The following MAP2K5 variants were observed in gnomAD, a reference collection of about 807,000 sequenced individuals.
MAP2K5 encodes the protein dual specificity mitogen-activated protein kinase kinase 5.
Under a neutral mutation model 83.1 loss-of-function variants are expected in MAP2K5, and 49 were observed. That is an observed-to-expected ratio of 0.59 (90% confidence interval 0.47 to 0.75). The LOEUF (loss-of-function observed/expected upper bound fraction) is 0.75. Ranked by LOEUF, MAP2K5 falls within the 30% of genes least tolerant of loss-of-function variation. The pLI is 0.00. For missense variants in MAP2K5, 457 were observed against 557.5 expected (o/e 0.82, Z 1.82); for synonymous variants, 202 against 191.8 (o/e 1.05, Z -0.44).
At chr15:67,659,752 A>G (rs2087190167) in intron 12 of MAP2K5, among the ~76,000 whole-genome samples, 1 of 152,154 alleles carries the variant, frequency 6.6e-6, no homozygotes. Flanking sequence ...GAAAAAGAAA[A>G]AAGTATACAA....
chr15:67,760,069 C>T lies in MAP2K5; in HGVS notation c.1135-9533C>T, dbSNP rs2089919663. On this transcript the variant is annotated intron_variant, in intron 19 of 21. Transcript: ENST00000178640. The surrounding 1 kb of genome is among the most constrained non-coding windows in gnomAD (Gnocchi z 4.1). ...AATCTAATACCTTCTTTGAAAAGTC[C>T]AGTGTGTTTAAATTAATTCAGTTTG... Among the ~76,000 whole-genome samples the T allele has an allele frequency of 6.6e-6, 1 of 152,110 alleles. No homozygotes were observed. The highest frequency in any genetic ancestry group is 2.4e-5 in the African/African-American group (1 of 41,402).
intron 9 of MAP2K5, chr15:67,641,643 G>T: frequency 1.0e-6 from 1 of 988,346 alleles, no homozygotes; most frequent in Non-Finnish European, 1.2e-6. Context: ...GTGGAGAGCA[G>T]TGGAAATGCA....
At position 67,801,797 on chromosome 15, in the gene MAP2K5, C is replaced by A. The variant is rs1596997065; in HGVS notation, c.1243-4849C>A. On this transcript the variant is annotated intron_variant, in intron 21 of 21. Transcript: ENST00000178640. This position sits in a 1 kb window ranked among gnomAD's most constrained non-coding sequence, Gnocchi z 4.8. ...GAAGTCACCTTTTCATGAGGGCCTA[C>A]CACATGCAGGCATTGCACCAGGCCC... Among the ~76,000 whole-genome samples the A allele has an allele frequency of 6.6e-6, 1 of 152,312 alleles. No homozygotes were observed. Among genetic ancestry groups the A allele is most frequent in the South Asian group, 2.1e-4 (1 of 4,822 alleles).
Position 67,664,608 on chromosome 15 carries a change from CCTTA to C in MAP2K5, c.815_818del (p.Thr272IlefsTer5). On this transcript the variant is annotated frameshift_variant, in exon 13 of 22. Coordinates refer to ENST00000178640, the MANE Select transcript of MAP2K5 (RefSeq NM_145160.3). LOFTEE classifies it high-confidence loss of function. ...TTTCCTAAATTTAGGTTGTTAAAGG[CCTTA>C]CTTATTTGTGGAGTTTAAAGATTTT... 1 of 1,588,468 alleles carries C rather than the reference CCTTA, an allele frequency of 6.3e-7. No homozygotes were observed. Among genetic ancestry groups the C allele is most frequent in the Non-Finnish European group, 8.6e-7 (1 of 1,157,486 alleles).
At chr15:67,579,090 A>G (rs928501563) in intron 3 of MAP2K5, among the ~76,000 whole-genome samples, 1 of 152,262 alleles carries the variant, frequency 6.6e-6, no homozygotes, top group South Asian at 2.1e-4. Flanking sequence ...CAGTACAAAA[A>G]GGCAGTAATT....
In MAP2K5 at chr15:67,692,100, T is replaced by C. The variant is rs1313843194; in HGVS notation, c.848-379T>C. 2.6e-5 allele frequency among the ~76,000 whole-genome samples: 4 copies of C among 152,192 alleles called. No homozygotes were observed. In the East Asian group the frequency reaches 5.8e-4, roughly 22 times the overall value. On this transcript the variant is annotated intron_variant, in intron 13 of 21. Coordinates refer to ENST00000178640, the MANE Select transcript of MAP2K5 (RefSeq NM_145160.3). ...AGGACTAGCTTGATAATTACACATA[T>C]AGAGCAAAACTCATCCTTTTTGTGC... is the stretch of plus-strand genomic sequence containing the variant.
rs1596920823 is a variant in MAP2K5, at chr15:67,757,339, C to A, written c.1134+8738C>A. On this transcript the variant is annotated intron_variant, in intron 19 of 21. Coordinates refer to ENST00000178640, the MANE Select transcript of MAP2K5 (RefSeq NM_145160.3). The surrounding 1 kb of genome is among the most constrained non-coding windows in gnomAD (Gnocchi z 4.9). ...ATCAGATTATGTCTTCCCATTGATT[C>A]AATAGTTGATGTTCACACATTTCTA... Among the ~76,000 whole-genome samples, 1 of 152,150 alleles carries A rather than the reference C, an allele frequency of 6.6e-6. No homozygotes were observed. The highest frequency in any genetic ancestry group is 1.5e-5 in the Non-Finnish European group (1 of 68,042).
intron 8 of MAP2K5, among the ~76,000 whole-genome samples, chr15:67,625,233 T>C (rs2141075510): frequency 6.6e-6 from 1 of 152,348 alleles, no homozygotes; most frequent in Non-Finnish European, 1.5e-5. Flanking sequence ...CACTGGGCTC[T>C]TTGTTATTTT....
intron 9 of MAP2K5, among the ~76,000 whole-genome samples, chr15:67,634,044 C>T (rs146519211): frequency 0.015 from 2,253 of 151,670 alleles, 24 homozygotes; most frequent in Middle Eastern, 0.024. Context: ...AGAATATGAC[C>T]TATTTTGGTA....
chr15:67,799,431 A>G (rs2090663440), intron 21 of MAP2K5, among the ~76,000 whole-genome samples: 1 of 152,268 alleles, frequency 6.6e-6, no homozygotes, highest in South Asian at 2.1e-4. Context: ...AGGTGACTTC[A>G]TTTGGTCCTT....
rs986790342 is a variant in MAP2K5, at chr15:67,768,640, G to A, written c.1135-962G>A. ...TGTAGGGATGTCAGGGAGGAAAAAA[G>A]CCGCCGAAAGGTATTTTTAATAGCA... On this transcript the variant is annotated intron_variant, in intron 19 of 21. Coordinates refer to ENST00000178640, the MANE Select transcript of MAP2K5 (RefSeq NM_145160.3). This position sits in a 1 kb window ranked among gnomAD's most constrained non-coding sequence, Gnocchi z 4.0. Among the ~76,000 whole-genome samples the A allele has an allele frequency of 6.6e-6, 1 of 152,176 alleles. No individual in the cohort carries two copies. Among genetic ancestry groups the A allele is most frequent in the African/African-American group, 2.4e-5 (1 of 41,436 alleles).
intron 7 of MAP2K5, among the ~76,000 whole-genome samples, chr15:67,595,977 T>G (rs371979753): frequency 1.4e-4 from 1 of 6,962 alleles, no homozygotes; most frequent in Non-Finnish European, 1.9e-3. Flanking sequence ...TTATTTTTTC[T>G]TTTTTTTTTT....
At chr15:67,590,483 C>CTCTCTCTCTCTCTT (rs2085382535) in intron 6 of MAP2K5, among the ~76,000 whole-genome samples, 1 of 143,526 alleles carries the variant, frequency 7.0e-6, no homozygotes, top group Non-Finnish European at 1.5e-5. Context: ...CTCTTTGTTT[C>CTCTCTCTCTCTCTT]TTTTTGAGAC....
intron 16 of MAP2K5, among the ~76,000 whole-genome samples, chr15:67,723,861 G>T (rs1410480333): frequency 6.6e-6 from 1 of 151,870 alleles, no homozygotes; most frequent in Non-Finnish European, 1.5e-5. Context: ...TTGCTTTGTT[G>T]TGATTCTTTT....
At chr15:67,745,078 A>G (rs1413530015) in intron 17 of MAP2K5, among the ~76,000 whole-genome samples, 1 of 152,212 alleles carries the variant, frequency 6.6e-6, no homozygotes, top group Non-Finnish European at 1.5e-5. Flanking sequence ...CATCTATCAA[A>G]ATGCAACTAG....
rs941401660 is a variant in MAP2K5, at chr15:67,555,598, C to T, written c.184+5516C>T. On this transcript the variant is annotated intron_variant, in intron 2 of 21. Coordinates refer to ENST00000178640, the MANE Select transcript of MAP2K5 (RefSeq NM_145160.3). This position sits in a 1 kb window ranked among gnomAD's most constrained non-coding sequence, Gnocchi z 5.2. ...CACCAAAAGGTAGAACCAATCTACA[C>T]TCACACCAACAAGGTATGAGAAGGC... is the stretch of plus-strand genomic sequence containing the variant. Among the ~76,000 whole-genome samples, 12 of 152,212 alleles carry T rather than the reference C, an allele frequency of 7.9e-5. No individual in the cohort carries two copies. The highest frequency in any genetic ancestry group is 6.5e-5 in the Admixed American group (1 of 15,280).
intron 8 of MAP2K5, chr15:67,629,030 T>C: frequency 1.3e-6 from 1 of 752,006 alleles, no homozygotes; most frequent in Non-Finnish European, 2.4e-6. Context: ...GCAGAAGCTC[T>C]GGCCCCTATG....
chr15:67,589,058 T>C (rs1050902458), intron 6 of MAP2K5, among the ~76,000 whole-genome samples: 3 of 152,104 alleles, frequency 2.0e-5, no homozygotes, highest in African/African-American at 7.2e-5. Context: ...CTGCCTAGGC[T>C]AGTCTCAAAC....
At chr15:67,553,416 G>A (rs890752565) in intron 2 of MAP2K5, among the ~76,000 whole-genome samples, 2 of 152,156 alleles carry the variant, frequency 1.3e-5, no homozygotes, top group Non-Finnish European at 2.9e-5. Flanking sequence ...CCATCTTCAT[G>A]TGGGCCAGTT....
Sources: gnomAD v4.1 joint callset for allele counts (sites outside exome capture counted in the v4.1 genomes callset) on GRCh38, gnomAD v4.1.1 for gene constraint, Gnocchi (gnomAD v3.1) non-coding constraint, MANE v1.5 for transcripts, NCBI Gene and HGNC (gene_info 2026-07-23, HGNC 2026-07-21) for gene names.